TMEM65: variants seen among roughly 807,000 people sequenced by gnomAD.
TMEM65 encodes the protein transmembrane protein 65.
Under a neutral mutation model 25.4 loss-of-function variants are expected in TMEM65, and 22 were observed. That is an observed-to-expected ratio of 0.86 (90% confidence interval 0.62 to 1.23). TMEM65 has a LOEUF of 1.23. Ranked by LOEUF, TMEM65 falls within the 50% of genes most tolerant of loss-of-function variation. The probability of loss-of-function intolerance (pLI) is 0.00; values close to 1 mark genes in which losing one functional copy is unlikely to be tolerated. For missense variants in TMEM65, 262 were observed against 308.2 expected (o/e 0.85, Z 1.12); for synonymous variants, 132 against 126.2 (o/e 1.05, Z -0.31).
chr8:124,331,989 A>C lies in TMEM65; in HGVS notation c.305-1197T>G, dbSNP rs867775668. Reference sequence around the variant, plus strand: ...AGAAATACACTAAAACCTCGAGTTTAATTAACTTTCATAGTATTTAGAAAG... The same window carrying C: ...AGAAATACACTAAAACCTCGAGTTTCATTAACTTTCATAGTATTTAGAAAG... On this transcript the variant is annotated intron_variant, in intron 1 of 6. Coordinates refer to ENST00000297632, the MANE Select transcript of TMEM65 (RefSeq NM_194291.3). Among the ~76,000 whole-genome samples the C allele has an allele frequency of 3.9e-5, 6 of 152,174 alleles. 1 individual carries two copies. Among genetic ancestry groups the C allele is most frequent in the Middle Eastern group, 3.4e-3 (1 of 294 alleles).
chr8:124,335,704 T>C (rs1814497923), intron 1 of TMEM65, among the ~76,000 whole-genome samples: 1 of 151,900 alleles, frequency 6.6e-6, no homozygotes, highest in Non-Finnish European at 1.5e-5. Flanking sequence ...ATCCCTAGAG[T>C]AACTACACAT....
intron 1 of TMEM65, among the ~76,000 whole-genome samples, chr8:124,361,929 A>G (rs180813563): frequency 6.0e-5 from 9 of 150,846 alleles, no homozygotes; most frequent in Admixed American, 4.0e-4. Context: ...TCGCTCTTAT[A>G]GCCCAGGCTG....
chr8:124,312,200 G>A lies in TMEM65; in HGVS notation c.*1760C>T, dbSNP rs1360405965. 1 of 150,640 alleles carries A rather than the reference G, an allele frequency of 6.6e-6. No homozygotes were observed. The highest frequency in any genetic ancestry group is 2.5e-5 in the African/African-American group (1 of 40,802). The allele number at this position is 150,640 out of a possible 1,614,324, so 9.3% of individuals were successfully genotyped here. On this transcript the variant is annotated 3_prime_UTR_variant, in exon 7 of 7. Transcript: ENST00000297632. ...AAGGATTTTTTGTGTGGTTATCTGT[G>A]TGTGGTTATTATATGGAAGATACAA...
intron 1 of TMEM65, among the ~76,000 whole-genome samples, chr8:124,355,048 G>A (rs1814761447): frequency 6.6e-6 from 1 of 152,126 alleles, no homozygotes; most frequent in Non-Finnish European, 1.5e-5. Context: ...GTATGATGGA[G>A]GTCACAGTTC....
intron 1 of TMEM65, among the ~76,000 whole-genome samples, chr8:124,370,065 T>C (rs887947295): frequency 2.0e-5 from 3 of 152,224 alleles, no homozygotes; most frequent in African/African-American, 7.2e-5. Context: ...TTGATGCTAA[T>C]GATCTCCATT....
intron 1 of TMEM65, among the ~76,000 whole-genome samples, 191 bp downstream of exon 1, chr8:124,371,663 G>GA (rs1480817477): frequency 6.6e-6 from 1 of 152,186 alleles, no homozygotes; most frequent in Non-Finnish European, 1.5e-5. Context: ...CTACCTGCCT[G>GA]GGGGAAACTC....
chr8:124,363,823 C>T (rs1024872180), intron 1 of TMEM65, among the ~76,000 whole-genome samples: 1 of 106,754 alleles, frequency 9.4e-6, no homozygotes, highest in African/African-American at 3.8e-5. Context: ...GGCGACAGAG[C>T]GAGACTCCGT....
At chr8:124,338,265 G>A (rs1814536539) in intron 1 of TMEM65, among the ~76,000 whole-genome samples, 2 of 151,854 alleles carry the variant, frequency 1.3e-5, no homozygotes. Flanking sequence ...CCTATTATTA[G>A]ATATTTGTTA....
intron 4 of TMEM65, 87 bp downstream of exon 4, chr8:124,323,234 C>A: frequency 4.1e-6 from 3 of 723,736 alleles, no homozygotes; most frequent in South Asian, 1.8e-5. Flanking sequence ...TAAACTCATT[C>A]AAATAAATTA....
chr8:124,322,574 A>G (rs985962373), intron 4 of TMEM65, among the ~76,000 whole-genome samples: 2 of 152,134 alleles, frequency 1.3e-5, no homozygotes, highest in Admixed American at 6.5e-5. Context: ...CCCAAATTTT[A>G]CCTCTGTGAA....
Position 124,372,482 on chromosome 8 carries a change from C to T in TMEM65, c.-325G>A, listed in dbSNP as rs1338012970. ...CCCGGCTGAGGAGGAGCGGCGCGGG[C>T]GGGCGGGGCGGGCTAGTGTGTGTCT... is the stretch of plus-strand genomic sequence containing the variant. On this transcript the variant is annotated 5_prime_UTR_variant, in exon 1 of 7. Coordinates refer to ENST00000297632, the MANE Select transcript of TMEM65 (RefSeq NM_194291.3). 1.9e-5 allele frequency: 3 copies of T among 156,098 alleles called. No individual in the cohort carries two copies. The highest frequency in any genetic ancestry group is 7.2e-5 in the African/African-American group (3 of 41,418). 9.7% of individuals were successfully genotyped at this position (156,098 alleles called of 1,614,324 possible). A position where few individuals can be genotyped will look rare whatever the true frequency, so the allele number is the denominator to read the frequency against.
In TMEM65 at chr8:124,307,348, AG is replaced by A. The variant is rs1430335444; in HGVS notation, c.*6611del. The stretch of plus-strand genomic sequence containing the variant: ...CGCTGGAAGTGCTCCCAAGGAGCAA[AG>A]TCATGACATTACAAGAAAAAGTTAA... On this transcript the variant is annotated 3_prime_UTR_variant, in exon 7 of 7. Coordinates refer to ENST00000297632, the MANE Select transcript of TMEM65 (RefSeq NM_194291.3). 6.6e-6 allele frequency: 1 copy of A among 152,196 alleles called. No individual in the cohort carries two copies. The highest frequency in any genetic ancestry group is 6.5e-5 in the Admixed American group (1 of 15,276). The allele number at this position is 152,196 out of a possible 1,614,324, so 9.4% of individuals were successfully genotyped here.
At chr8:124,323,419 T>A in intron 3 of TMEM65, 44 bp from the exon 4 acceptor site, 2 of 1,162,372 alleles carry the variant, frequency 1.7e-6, no homozygotes, top group Non-Finnish European at 1.2e-6. Flanking sequence ...AAAGCTGAAG[T>A]GACTATAAAA....
chr8:124,351,237 C>T (rs1430144668), intron 1 of TMEM65: 46 of 503,310 alleles, frequency 9.1e-5, no homozygotes, highest in Non-Finnish European at 1.1e-4. Flanking sequence ...GCAGTCTTTA[C>T]TTTGCACAGT....
intron 1 of TMEM65, among the ~76,000 whole-genome samples, chr8:124,341,408 C>T (rs1237706336): frequency 2.6e-5 from 4 of 151,900 alleles, no homozygotes; most frequent in Non-Finnish European, 2.9e-5. Flanking sequence ...AGCATTAATA[C>T]CAAAAGTATA....
Position 124,371,882 on chromosome 8 carries a change from G to A in TMEM65, c.276C>T (p.His92=). 2 of 1,547,986 alleles carry A rather than the reference G, an allele frequency of 1.3e-6. No homozygotes were observed. Among genetic ancestry groups the A allele is most frequent in the South Asian group, 2.4e-5 (2 of 84,746 alleles). Residue 92 remains histidine, a synonymous_variant, in exon 1 of 7, where the codon CAC becomes CAT. Transcript: ENST00000297632. ...GGGCAATGGCAATAGACTCGAAGCG[G>A]TGCAGCTCTTTGAGCAGGCAGCTCC... ...TERSCLLKEL[H]RFESIAIAQE...
intron 1 of TMEM65, among the ~76,000 whole-genome samples, chr8:124,353,664 C>A (rs1416493594): frequency 6.6e-6 from 1 of 152,008 alleles, no homozygotes; most frequent in Non-Finnish European, 1.5e-5. Flanking sequence ...CAAGATGAGT[C>A]TGGAACATCT....
In TMEM65 at chr8:124,309,626, G is replaced by C. The variant is rs555919380; in HGVS notation, c.*4334C>G. The C allele has an allele frequency of 2.6e-5, 4 of 152,332 alleles. No homozygotes were observed. The highest frequency in any genetic ancestry group is 9.6e-5 in the African/African-American group (4 of 41,574). The allele number at this position is 152,332 out of a possible 1,614,324, so 9.4% of individuals were successfully genotyped here. On this transcript the variant is annotated 3_prime_UTR_variant, in exon 7 of 7. Coordinates refer to ENST00000297632, the MANE Select transcript of TMEM65 (RefSeq NM_194291.3). ...TTTCTCTTCACAGAATATCTGTACT[G>C]TTTGTACCTTCGCTTCCTTCAGGTC...
intron 1 of TMEM65, among the ~76,000 whole-genome samples, chr8:124,350,493 A>T (rs1814694610): frequency 6.6e-6 from 1 of 150,662 alleles, no homozygotes; most frequent in Non-Finnish European, 1.5e-5. Context: ...ACACACACAC[A>T]CACACACACA....
Sources: allele counts gnomAD v4.1 joint callset (sites outside exome capture counted in the v4.1 genomes callset), GRCh38; gene constraint gnomAD v4.1.1; transcripts MANE v1.5; gene names NCBI Gene and HGNC (gene_info 2026-07-23, HGNC 2026-07-21).